Variants in JKAMP observed in about 807,000 individuals in gnomAD.
The protein encoded by JKAMP is JNK1/MAPK8-associated membrane protein.
Under a neutral mutation model 40.2 loss-of-function variants are expected in JKAMP, and 20 were observed. That is an observed-to-expected ratio of 0.50 (90% CI 0.35 to 0.72). The LOEUF (loss-of-function observed/expected upper bound fraction) is 0.72, where lower values mean the gene tolerates loss of function less well. Among genes scored for constraint, JKAMP ranks in the 30% least tolerant of loss-of-function variants. JKAMP has a pLI of 0.01. For missense variants in JKAMP, 276 were observed against 373.0 expected, an observed-to-expected ratio of 0.74 and a Z score of 2.14; for synonymous variants, 138 against 131.6, an observed-to-expected ratio of 1.05 and a Z score of -0.33.
At chr14:59,487,226 TATAAA>T (rs1437741445) in intron 2 of JKAMP, 1 of 154,620 alleles carries the variant, frequency 6.5e-6, no homozygotes, top group Non-Finnish European at 1.4e-5. Context: ...AATAAGGAAA[TATAAA>T]AGAATATGGA....
intron 3 of JKAMP, among the ~76,000 whole-genome samples, chr14:59,489,839 G>C (rs1274989594): frequency 6.6e-6 from 1 of 152,156 alleles, no homozygotes; most frequent in Non-Finnish European, 1.5e-5. Context: ...GAGGAGGCAG[G>C]AGGCAAAGGG....
At chr14:59,503,703 C>G (rs765088577) in intron 6 of JKAMP, 151 bp from the exon 7 acceptor site, 34 of 605,192 alleles carry the variant, frequency 5.6e-5, no homozygotes, top group Non-Finnish European at 8.2e-5. Flanking sequence ...AGTGGCTAGA[C>G]TGAGTGATTT....
At chr14:59,485,037 A>T in intron 1 of JKAMP, 1 of 1,598,190 alleles carries the variant, frequency 6.3e-7, no homozygotes, top group Non-Finnish European at 8.5e-7. Context: ...AAAAAATGGA[A>T]TCTTAAAACT....
chr14:59,492,745 A>G (rs1162854465), intron 3 of JKAMP, among the ~76,000 whole-genome samples: 3 of 152,052 alleles, frequency 2.0e-5, no homozygotes, highest in Non-Finnish European at 2.9e-5. Flanking sequence ...TCTTTGCCCA[A>G]AGTATCTAAT....
chr14:59,498,713 A>T lies in JKAMP; in HGVS notation c.459-14A>T. 1.5e-6 allele frequency: 2 copies of T among 1,337,808 alleles called. No homozygotes were observed. Among genetic ancestry groups the T allele is most frequent in the Non-Finnish European group, 2.1e-6 (2 of 968,820 alleles). 82.9% of individuals were successfully genotyped at this position (1,337,808 alleles called of 1,614,324 possible). A position where few individuals can be genotyped will look rare whatever the true frequency, so the allele number is the denominator to read the frequency against. On this transcript the variant is annotated splice_polypyrimidine_tract_variant and intron_variant, in intron 4 of 6. Coordinates refer to ENST00000616435, the MANE Select transcript of JKAMP (RefSeq NM_016475.5). ...ACATTTTTGATGTTACAAATTCTTTATTTTATTTTACAGATATACCATTGT... is the reference window on the plus strand; with the variant it reads ...ACATTTTTGATGTTACAAATTCTTTTTTTTATTTTACAGATATACCATTGT...
At chr14:59,502,755 T>TGTTTTTTTGTTTTTGTTTTTG (rs67189643) in intron 6 of JKAMP, among the ~76,000 whole-genome samples, 2,037 of 122,914 alleles carry the variant, frequency 0.017, 127 homozygotes, top group African/African-American at 0.058. Flanking sequence ...ATGAGATTTT[T>TGTTTTTTTGTTTTTGTTTTTG]TTTTTTTTTT....
At chr14:59,492,967 T>C (rs1385838933) in intron 3 of JKAMP, among the ~76,000 whole-genome samples, 1 of 151,176 alleles carries the variant, frequency 6.6e-6, no homozygotes, top group Non-Finnish European at 1.5e-5. Context: ...CCGGCCAATT[T>C]TTTTGTATCT....
chr14:59,498,816 T>C lies in JKAMP; in HGVS notation c.548T>C (p.Leu183Ser). The change falls in exon 5 of 7, where the codon TTA becomes TCA. Residue 183 changes from leucine (L) to serine (S), a missense_variant. Physicochemically the swap from Leu to Ser is moderately radical, Grantham distance 145. Coordinates refer to ENST00000616435, the MANE Select transcript of JKAMP (RefSeq NM_016475.5). ...PLLVKKIACGLGKSDRFKSIY... is the reference protein window; with the variant it reads ...PLLVKKIACGSGKSDRFKSIY... ...CTGGTGAAGAAGATTGCATGTGGGTTAGGGAAATCTGATCGATTTAAAAGT... is the reference window on the plus strand; with the variant it reads ...CTGGTGAAGAAGATTGCATGTGGGTCAGGGAAATCTGATCGATTTAAAAGT... 1 of 1,611,334 alleles carries C rather than the reference T, an allele frequency of 6.2e-7. No individual in the cohort carries two copies. Among genetic ancestry groups the C allele is most frequent in the Non-Finnish European group, 8.5e-7 (1 of 1,177,750 alleles).
intron 1 of JKAMP, chr14:59,485,168 C>G (rs1890437674): frequency 1.4e-5 from 22 of 1,577,886 alleles, no homozygotes; most frequent in Non-Finnish European, 1.8e-5. Flanking sequence ...GGTTTTCAGG[C>G]CTTGGATTTT....
chr14:59,487,743 T>A lies in JKAMP; in HGVS notation c.166T>A (p.Tyr56Asn). Reference sequence around the variant, plus strand: ...GCCTTGCACAGAATCTCCTGAACTTTATGATTGGCTCTATCTTGGATTTAT... The same window carrying A: ...GCCTTGCACAGAATCTCCTGAACTTAATGATTGGCTCTATCTTGGATTTAT... ...CQPCTESPEL[Y>N]DWLYLGFMAM... The change falls in exon 3 of 7, where the codon TAT becomes AAT. Residue 56 changes from tyrosine (Y) to asparagine (N), a missense_variant. Transcript: ENST00000616435. 1.9e-6 allele frequency: 3 copies of A among 1,613,398 alleles called. No homozygotes were observed. Among genetic ancestry groups the A allele is most frequent in the Non-Finnish European group, 2.5e-6 (3 of 1,179,408 alleles).
At chr14:59,503,005 C>G (rs1892050842) in intron 6 of JKAMP, among the ~76,000 whole-genome samples, 2 of 151,882 alleles carry the variant, frequency 1.3e-5, no homozygotes, top group South Asian at 4.2e-4. Context: ...ACCTCGGCCT[C>G]CCACAGTGCT....
chr14:59,490,455 T>A (rs1454848153), intron 3 of JKAMP, among the ~76,000 whole-genome samples: 1 of 152,144 alleles, frequency 6.6e-6, no homozygotes, highest in Non-Finnish European at 1.5e-5. Context: ...AGGTCTGGTG[T>A]ATGGAAGTGG....
At chr14:59,485,086 C>G (rs755101977) in intron 1 of JKAMP, 23 of 1,598,292 alleles carry the variant, frequency 1.4e-5, no homozygotes, top group Admixed American at 1.2e-4. Context: ...AGGAGAAATT[C>G]AACAGTCGCT....
At chr14:59,497,514 A>G (rs772293916) in intron 4 of JKAMP, among the ~76,000 whole-genome samples, 4 of 152,228 alleles carry the variant, frequency 2.6e-5, no homozygotes, top group Non-Finnish European at 5.9e-5. Flanking sequence ...TTAAGGAATT[A>G]CAAGTTGTGG....
chr14:59,501,603 G>C (rs958944165), intron 6 of JKAMP, among the ~76,000 whole-genome samples: 1 of 152,042 alleles, frequency 6.6e-6, no homozygotes, highest in African/African-American at 2.4e-5. Context: ...CCATAAAAAT[G>C]TTTTATATTT....
At chr14:59,485,409 A>G (rs568236322) in intron 1 of JKAMP, 39 of 309,248 alleles carry the variant, frequency 1.3e-4, no homozygotes, top group African/African-American at 8.3e-4. Context: ...GTTAAAAGCG[A>G]AAATATTAAA....
intron 6 of JKAMP, among the ~76,000 whole-genome samples, chr14:59,502,677 G>T (rs1387060003): frequency 1.3e-5 from 2 of 151,316 alleles, no homozygotes; most frequent in African/African-American, 4.8e-5. Flanking sequence ...ATTAGTTTTG[G>T]CGCTTTTATC....
chr14:59,500,673 A>T (rs1891811658), intron 5 of JKAMP, among the ~76,000 whole-genome samples: 1 of 152,196 alleles, frequency 6.6e-6, no homozygotes, highest in Non-Finnish European at 1.5e-5. Context: ...ACAGAAAATT[A>T]TTTGACCATT....
intron 3 of JKAMP, among the ~76,000 whole-genome samples, chr14:59,488,992 T>C (rs928292142): frequency 1.3e-5 from 2 of 152,268 alleles, no homozygotes; most frequent in African/African-American, 4.8e-5. Context: ...GGACAGGCAG[T>C]CTGAAAGACT....
Sources: allele counts gnomAD v4.1 joint callset (sites outside exome capture counted in the v4.1 genomes callset), GRCh38; gene constraint gnomAD v4.1.1; transcripts MANE v1.5; gene names NCBI Gene and HGNC (gene_info 2026-07-23, HGNC 2026-07-21).